ZNF114: variants seen among roughly 807,000 people sequenced by gnomAD.
The protein encoded by ZNF114 is zinc finger protein 114 (Y18).
ZNF114 carries 8 observed loss-of-function variants against 6.8 expected under a neutral mutation model. The observed-to-expected ratio is 1.18, with a 90% confidence interval of 0.69 to 2.13. The LOEUF is 2.13. Among genes scored for constraint, ZNF114 ranks in the 30% most tolerant of loss-of-function variants. ZNF114 has a pLI of 0.00. For missense variants in ZNF114, 472 were observed against 519.5 expected (o/e 0.91, Z 0.89); for synonymous variants, 169 against 185.5 (o/e 0.91, Z 0.72).
chr19:48,270,519 G>A (rs893237178), intron 1 of ZNF114, among the ~76,000 whole-genome samples: 8 of 143,244 alleles, frequency 5.6e-5, no homozygotes, highest in Non-Finnish European at 1.2e-4. Flanking sequence ...AAGAGAAAGG[G>A]AGGGAGAGAG....
intron 3 of ZNF114, 135 bp from the exon 4 acceptor site, chr19:48,279,596 G>A (rs935193277): frequency 4.2e-5 from 25 of 588,866 alleles, no homozygotes; most frequent in Middle Eastern, 4.7e-4. Context: ...TAGAGGGGGT[G>A]GGGGTTGTGG....
At chr19:48,278,289 G>A (rs755027896) in intron 3 of ZNF114, among the ~76,000 whole-genome samples, 6 of 152,094 alleles carry the variant, frequency 3.9e-5, no homozygotes, top group Non-Finnish European at 5.9e-5. Flanking sequence ...ATTCACAGAC[G>A]TGTACGTCCC....
intron 3 of ZNF114, among the ~76,000 whole-genome samples, chr19:48,275,027 A>G (rs1967787433): frequency 6.6e-6 from 1 of 151,426 alleles, no homozygotes; most frequent in South Asian, 2.1e-4. Flanking sequence ...CTGTGATCCC[A>G]GCACTTTGGG....
At position 48,286,774 on chromosome 19, in the gene ZNF114, G is replaced by T; in HGVS notation, c.1150G>T (p.Gly384Ter). 1 of 1,612,462 alleles carries T rather than the reference G, an allele frequency of 6.2e-7. No homozygotes were observed. Among genetic ancestry groups the T allele is most frequent in the Non-Finnish European group, 8.5e-7 (1 of 1,179,642 alleles). ...ATATACACATATAAGGAGCCACACTGGAGAGAAACCCTATAAATGTAAGAC... is the reference window on the plus strand; with the variant it reads ...ATATACACATATAAGGAGCCACACTTGAGAGAAACCCTATAAATGTAAGAC... Reference protein sequence around the residue: ...SKYTHIRSHTGEKPYKCKTCG... With the variant: ...SKYTHIRSHT The change falls in exon 6 of 6, where the codon GGA (glycine) becomes TGA (stop). Residue 384 changes from glycine to a stop codon, truncating the protein, a stop_gained. Coordinates refer to ENST00000595607, the MANE Select transcript of ZNF114 (RefSeq NM_153608.4). LOFTEE classifies it low-confidence loss of function (END_TRUNC).
At chr19:48,277,186 T>C (rs1230609939) in intron 3 of ZNF114, among the ~76,000 whole-genome samples, 1 of 150,472 alleles carries the variant, frequency 6.6e-6, no homozygotes, top group Non-Finnish European at 1.5e-5. Flanking sequence ...TTAATATATA[T>C]ATTTTTGTTA....
chr19:48,282,245 A>C, intron 4 of ZNF114, 126 bp from the exon 5 acceptor site: 2 of 1,341,552 alleles, frequency 1.5e-6, no homozygotes, highest in Non-Finnish European at 2.1e-6. Flanking sequence ...CTAGTTCACA[A>C]ATCAGGTCAC....
At chr19:48,284,579 C>A (rs1026458758) in intron 5 of ZNF114, among the ~76,000 whole-genome samples, 6 of 152,080 alleles carry the variant, frequency 3.9e-5, no homozygotes, top group Non-Finnish European at 8.8e-5. Context: ...TACAGGCACA[C>A]GCCACCATGC....
rs1161493336 is a variant in ZNF114 at position 48,286,274 on chromosome 19, G to A, written c.650G>A (p.Gly217Glu). 9 of 1,614,152 alleles carry A rather than the reference G, an allele frequency of 5.6e-6. No individual in the cohort carries two copies. Among genetic ancestry groups the A allele is most frequent in the Admixed American group, 1.7e-5 (1 of 59,998 alleles). ...VHHIRDEIDT[G>E]ANRHQRNPFG... ...CATATACGTGATGAAATTGATACGG[G>A]GGCCAACAGGCACCAGCGGAATCCA... Residue 217 changes from glycine (G) to glutamate (E), a missense_variant, in exon 6 of 6, where the codon GGG becomes GAG. By Grantham distance (98) the Gly-to-Glu change is moderately conservative. Coordinates refer to ENST00000595607, the MANE Select transcript of ZNF114 (RefSeq NM_153608.4).
At chr19:48,283,697 G>A (rs932818213) in intron 5 of ZNF114, among the ~76,000 whole-genome samples, 10 of 151,818 alleles carry the variant, frequency 6.6e-5, no homozygotes, top group South Asian at 2.1e-4. Flanking sequence ...GGGAGGAGAC[G>A]CTCAAATTCT....
chr19:48,280,546 A>AT (rs1967961667), intron 4 of ZNF114, among the ~76,000 whole-genome samples: 1 of 143,004 alleles, frequency 7.0e-6, no homozygotes, highest in Admixed American at 7.1e-5. Flanking sequence ...CCCCACTCCA[A>AT]ATTTTTTTTT....
chr19:48,286,090 A>G lies in ZNF114; in HGVS notation c.466A>G (p.Ser156Gly), dbSNP rs1968119736. Residue 156 changes from serine (S) to glycine (G), a missense_variant, in exon 6 of 6, where the codon AGT becomes GGT. Coordinates refer to ENST00000595607, the MANE Select transcript of ZNF114 (RefSeq NM_153608.4). ...IRQCILTRDS[S>G]IFKYNPVLND... is the part of the protein sequence containing the mutation. The stretch of plus-strand genomic sequence containing the variant: ...ACAATGTATCCTAACACGTGACTCA[A>G]GTATTTTCAAGTATAATCCTGTCTT... The G allele has an allele frequency of 6.2e-7, 1 of 1,614,016 alleles. No individual in the cohort carries two copies. The highest frequency in any genetic ancestry group is 8.5e-7 in the Non-Finnish European group (1 of 1,180,056).
intron 3 of ZNF114, among the ~76,000 whole-genome samples, chr19:48,278,395 C>T (rs1967903868): frequency 6.6e-6 from 1 of 152,198 alleles, no homozygotes; most frequent in Non-Finnish European, 1.5e-5. Context: ...TGGACAACCT[C>T]TGATCTGCTT....
chr19:48,285,171 T>C (rs961046792), intron 5 of ZNF114, among the ~76,000 whole-genome samples: 2 of 152,174 alleles, frequency 1.3e-5, no homozygotes, highest in Non-Finnish European at 2.9e-5. Flanking sequence ...CTTCACATTT[T>C]TATCATACAT....
rs1227228543 is a variant in ZNF114 at position 48,286,299 on chromosome 19, A to T, written c.675A>T (p.Pro225=). The change falls in exon 6 of 6, where the codon CCA becomes CCT. Residue 225 remains proline, a synonymous_variant. Coordinates refer to ENST00000595607, the MANE Select transcript of ZNF114 (RefSeq NM_153608.4). ...GGGCCAACAGGCACCAGCGGAATCC[A>T]TTTGGAAAAGCTTTCCGTGAAGACG... ...DTGANRHQRN[P]FGKAFREDGS... 1.9e-6 allele frequency: 3 copies of T among 1,614,234 alleles called. No homozygotes were observed. The highest frequency in any genetic ancestry group is 2.5e-6 in the Non-Finnish European group (3 of 1,180,048).
intron 3 of ZNF114, among the ~76,000 whole-genome samples, chr19:48,273,048 G>T (rs1967719466): frequency 6.6e-6 from 1 of 152,188 alleles, no homozygotes; most frequent in Non-Finnish European, 1.5e-5. Flanking sequence ...GCCCGCCTCG[G>T]CCTCCCAAAG....
At chr19:48,273,175 T>C (rs561738486) in intron 3 of ZNF114, among the ~76,000 whole-genome samples, 2 of 152,192 alleles carry the variant, frequency 1.3e-5, no homozygotes, top group African/African-American at 2.4e-5. Context: ...AGAGGAAATA[T>C]ATAAAAAGGA....
At chr19:48,282,606 C>G in intron 5 of ZNF114, 109 bp downstream of exon 5, 2 of 1,350,936 alleles carry the variant, frequency 1.5e-6, no homozygotes, top group Non-Finnish European at 2.0e-6. Context: ...ATTCCAGAGA[C>G]ACAGCTGCTG....
At chr19:48,278,484 C>T (rs1281100098) in intron 3 of ZNF114, among the ~76,000 whole-genome samples, 1 of 152,120 alleles carries the variant, frequency 6.6e-6, no homozygotes, top group Non-Finnish European at 1.5e-5. Context: ...TGTCTGGCTT[C>T]GTTCACTCAG....
At chr19:48,282,620 C>A in intron 5 of ZNF114, 123 bp downstream of exon 5, 1 of 1,198,364 alleles carries the variant, frequency 8.3e-7, no homozygotes, top group Non-Finnish European at 1.1e-6. Flanking sequence ...GCTGCTGCCC[C>A]CCAGGTAGTA....
Sources: allele counts gnomAD v4.1 joint callset (sites outside exome capture counted in the v4.1 genomes callset), GRCh38; gene constraint gnomAD v4.1.1; transcripts MANE v1.5; gene names NCBI Gene and HGNC (gene_info 2026-07-23, HGNC 2026-07-21).